The following CSGALNACT1 variants were observed in gnomAD, a reference collection of about 807,000 sequenced individuals.
The protein encoded by CSGALNACT1 is chondroitin sulfate N-acetylgalactosaminyltransferase 1.
A neutral mutation model predicts 51.0 loss-of-function variants in CSGALNACT1; 52 were observed. The ratio of observed to expected loss-of-function variants is 1.02; its 90% CI spans 0.82 to 1.29. CSGALNACT1 has a LOEUF of 1.29. Ranked by LOEUF, CSGALNACT1 falls within the 50% of genes most tolerant of loss-of-function variation. The pLI, the probability that CSGALNACT1 is intolerant of heterozygous loss-of-function variation, is 0.00. For missense variants in CSGALNACT1, 935 were observed against 679.2 expected, an observed-to-expected ratio of 1.38 and a Z score of -4.19; for synonymous variants, 341 against 254.4, an observed-to-expected ratio of 1.34 and a Z score of -3.24.
At chr8:19,423,347 G>T (rs1243831553) in intron 6 of CSGALNACT1, among the ~76,000 whole-genome samples, 2 of 152,354 alleles carry the variant, frequency 1.3e-5, no homozygotes, top group East Asian at 3.9e-4. Context: ...CAGCATGAAA[G>T]AAATGACGAG....
chr8:19,559,689 A>G (rs963061571), intron 3 of CSGALNACT1, among the ~76,000 whole-genome samples: 1 of 152,216 alleles, frequency 6.6e-6, no homozygotes, highest in Admixed American at 6.5e-5. Context: ...CAAAAAAAAG[A>G]TACCATCTGA....
At chr8:19,605,985 C>A (rs1479341366), upstream of CSGALNACT1, among the ~76,000 whole-genome samples, 1 of 152,116 alleles carries the variant, frequency 6.6e-6, no homozygotes, top group East Asian at 1.9e-4. Flanking sequence ...ACACAATGGA[C>A]CCAATGGTGT....
chr8:19,696,784 C>T (rs1217998540), intron 1 of CSGALNACT1, among the ~76,000 whole-genome samples: 1 of 152,172 alleles, frequency 6.6e-6, no homozygotes, highest in Non-Finnish European at 1.5e-5. Flanking sequence ...GGTCGGTACA[C>T]AGGAACCACA....
chr8:19,670,395 C>G (rs2059699007), intron 1 of CSGALNACT1, among the ~76,000 whole-genome samples: 1 of 152,088 alleles, frequency 6.6e-6, no homozygotes, highest in Admixed American at 6.5e-5. Flanking sequence ...TTACTGCAGC[C>G]AAGTTATATC....
intron 1 of CSGALNACT1, among the ~76,000 whole-genome samples, chr8:19,750,528 T>C (rs1376510000): frequency 6.6e-6 from 1 of 152,156 alleles, no homozygotes; most frequent in Non-Finnish European, 1.5e-5. Context: ...CTCGGAACCT[T>C]ACCTATACCT....
intron 1 of CSGALNACT1, among the ~76,000 whole-genome samples, chr8:19,625,753 G>T (rs1474055439): frequency 1.3e-5 from 2 of 152,172 alleles, no homozygotes; most frequent in African/African-American, 4.8e-5. Flanking sequence ...AAGAGAGGGG[G>T]CCTTAAGGCA....
intron 4 of CSGALNACT1, among the ~76,000 whole-genome samples, chr8:19,467,204 C>T (rs1042631978): frequency 7.1e-6 from 1 of 140,292 alleles, no homozygotes. Flanking sequence ...ACTGCAAGCT[C>T]TGACTCTCGG....
chr8:19,720,033 A>C (rs1451673264), intron 1 of CSGALNACT1, among the ~76,000 whole-genome samples: 1 of 152,176 alleles, frequency 6.6e-6, no homozygotes, highest in African/African-American at 2.4e-5. Context: ...ACTTCCTGGA[A>C]GGTGGATGTA....
At chr8:19,650,440 C>T (rs1176592845) in intron 1 of CSGALNACT1, among the ~76,000 whole-genome samples, 1 of 152,184 alleles carries the variant, frequency 6.6e-6, no homozygotes, top group Non-Finnish European at 1.5e-5. Flanking sequence ...AATGAGAGAA[C>T]ACCTAGTAAT....
At chr8:19,663,327 C>A (rs760086560) in intron 1 of CSGALNACT1, among the ~76,000 whole-genome samples, 1 of 152,116 alleles carries the variant, frequency 6.6e-6, no homozygotes, top group Non-Finnish European at 1.5e-5. Context: ...TACAATACTA[C>A]GAAAACCCTG....
intron 3 of CSGALNACT1, among the ~76,000 whole-genome samples, chr8:19,576,539 C>T (rs944245144): frequency 1.3e-5 from 2 of 151,938 alleles, no homozygotes; most frequent in African/African-American, 2.4e-5. Flanking sequence ...GATAAGATTG[C>T]TGTCACCTTC....
At chr8:19,749,170 G>T (rs2064874263) in intron 1 of CSGALNACT1, among the ~76,000 whole-genome samples, 1 of 150,040 alleles carries the variant, frequency 6.7e-6, no homozygotes, top group African/African-American at 2.4e-5. Context: ...ACTAACTTGG[G>T]TTTCATTTCA....
chr8:19,677,430 T>C (rs1332488873), intron 1 of CSGALNACT1, among the ~76,000 whole-genome samples: 3 of 152,136 alleles, frequency 2.0e-5, no homozygotes, highest in Non-Finnish European at 2.9e-5. Flanking sequence ...TTTTGTAAGA[T>C]GAAAGATATT....
exon 10 of CSGALNACT1, chr8:19,405,904 A>G (rs376663557): frequency 3.7e-6 from 6 of 1,613,900 alleles, no homozygotes; most frequent in Non-Finnish European, 5.1e-6. Flanking sequence ...CTGCATGCAC[A>G]TCTTGTACTG....
intron 1 of CSGALNACT1, among the ~76,000 whole-genome samples, chr8:19,608,138 G>A (rs930139967): frequency 6.6e-6 from 1 of 152,204 alleles, no homozygotes; most frequent in Non-Finnish European, 1.5e-5. Flanking sequence ...ATAGCTGGCT[G>A]AGTTAGGCAG....
chr8:19,515,307 G>C (rs1045173564), intron 3 of CSGALNACT1, among the ~76,000 whole-genome samples: 3 of 152,138 alleles, frequency 2.0e-5, no homozygotes, highest in Non-Finnish European at 2.9e-5. Context: ...TCACCCAAAA[G>C]ACTTAGGCTC....
Position 19,485,759 on chromosome 8 carries a change from C to CTTTTTT in CSGALNACT1, c.634+19436_634+19441dup, listed in dbSNP as rs386412239. ...AAAGTCTCACTGCCACCTCAGCTTG[C>CTTTTTT]TTTTTTTTTTTTTTTTTTTTTTTTT... On this transcript the variant is annotated intron_variant, in intron 4 of 9. Transcript: ENST00000454498. 7.5e-4 allele frequency among the ~76,000 whole-genome samples: 29 copies of CTTTTTT among 38,542 alleles called. 8 individuals carry two copies. Among genetic ancestry groups the CTTTTTT allele is most frequent in the East Asian group, 4.4e-3 (5 of 1,126 alleles). 25.3% of individuals were successfully genotyped at this position (38,542 alleles called of 152,430 possible).
At chr8:19,485,073 C>G (rs2072524712) in intron 4 of CSGALNACT1, among the ~76,000 whole-genome samples, 1 of 152,154 alleles carries the variant, frequency 6.6e-6, no homozygotes. Flanking sequence ...GATTGTGATG[C>G]CCTGTTATGG....
At chr8:19,668,067 CTT>C (rs1470209668) in intron 1 of CSGALNACT1, among the ~76,000 whole-genome samples, 1 of 152,174 alleles carries the variant, frequency 6.6e-6, no homozygotes, top group African/African-American at 2.4e-5. Flanking sequence ...CATCCTTTAA[CTT>C]TTCCAGAGAG....
Sources: gnomAD v4.1 joint callset for allele counts (sites outside exome capture counted in the v4.1 genomes callset) on GRCh38, gnomAD v4.1.1 for gene constraint, MANE v1.5 for transcripts, NCBI Gene and HGNC (gene_info 2026-07-23, HGNC 2026-07-21) for gene names.